RNF128: variants seen among roughly 807,000 people sequenced by gnomAD.
RNF128 encodes ring finger protein 128, also known as E3 ubiquitin-protein ligase RNF128.
A neutral mutation model predicts 26.2 loss-of-function variants in RNF128; 13 were observed. The observed-to-expected ratio is 0.50, with a 90% CI of 0.32 to 0.79. The LOEUF is 0.79. RNF128 is among the 30% of genes least tolerant of loss of function. RNF128 has a pLI of 0.03. For synonymous variants in RNF128, 149 were observed against 142.5 expected (o/e 1.05, Z -0.32); for missense variants, 315 against 349.7 (o/e 0.90, Z 0.79).
At chrX:106,762,132 T>G (rs1269150852) in intron 1 of RNF128, among the ~76,000 whole-genome samples, 2 of 110,251 alleles carry the variant, frequency 1.8e-5, no homozygotes, top group African/African-American at 3.3e-5. Flanking sequence ...AATCTTTTCT[T>G]CTAGTTATCT....
At chrX:106,694,084 A>G (rs1260486772) in exon 1 of RNF128, 8 of 1,202,960 alleles carry the variant, frequency 6.7e-6, no homozygotes, top group Non-Finnish European at 9.0e-6. Flanking sequence ...ATCTTTTTCA[A>G]TGAGTGCCTA....
intron 1 of RNF128, among the ~76,000 whole-genome samples, chrX:106,763,846 G>A (rs1930164460): frequency 9.0e-6 from 1 of 111,573 alleles, no homozygotes; most frequent in African/African-American, 3.3e-5. Flanking sequence ...TATATAGCAC[G>A]TATGAATATA....
intron 1 of RNF128, among the ~76,000 whole-genome samples, chrX:106,762,125 C>A (rs992490327): frequency 3.6e-5 from 4 of 110,154 alleles, no homozygotes; most frequent in African/African-American, 1.3e-4. Context: ...CATTCAAAAT[C>A]TTTTCTTCTA....
intron 1 of RNF128, among the ~76,000 whole-genome samples, chrX:106,736,881 T>C (rs1318671070): frequency 8.9e-6 from 1 of 112,142 alleles, no homozygotes; most frequent in Non-Finnish European, 1.9e-5. Flanking sequence ...ATATGTTGTC[T>C]CTACTTCCAA....
At chrX:106,789,143 GTATA>G (rs1930762731) in intron 4 of RNF128, among the ~76,000 whole-genome samples, 2 of 85,748 alleles carry the variant, frequency 2.3e-5, no homozygotes, top group African/African-American at 8.5e-5. Context: ...AGTATATAGT[GTATA>G]TATACTACAT....
chrX:106,729,498 G>A lies in RNF128; in HGVS notation c.484+2101G>A, dbSNP rs185923987. 1.3e-4 allele frequency among the ~76,000 whole-genome samples: 15 copies of A among 111,442 alleles called. No homozygotes were observed. The East Asian group carries it at 3.7e-3, about 27-fold the overall frequency. The stretch of plus-strand genomic sequence containing the variant: ...GGATGCAAAAAAATAATGTACAAAT[G>A]TATGATTGTGCAACTGTCGATTTGA... On this transcript the variant is annotated intron_variant, in intron 1 of 6. Coordinates refer to ENST00000255499, the MANE Select transcript of RNF128 (RefSeq NM_194463.2).
chrX:106,795,767 G>A lies in RNF128; in HGVS notation c.*54G>A. 2 of 994,384 alleles carry A rather than the reference G, an allele frequency of 2.0e-6. No individual in the cohort carries two copies. The highest frequency in any genetic ancestry group is 1.4e-6 in the Non-Finnish European group (1 of 736,774). 81.9% of individuals were successfully genotyped at this position (994,384 alleles called of 1,213,427 possible). A position where few individuals can be genotyped will look rare whatever the true frequency, so the allele number is the denominator to read the frequency against. On this transcript the variant is annotated 3_prime_UTR_variant, in exon 7 of 7. Coordinates refer to ENST00000255499, the MANE Select transcript of RNF128 (RefSeq NM_194463.2). Reference sequence around the variant, plus strand: ...TTAGTAATAACAGAACTGCCAATCAGGGCCTAGTTTCTATTAATAAATTGG... The same window carrying A: ...TTAGTAATAACAGAACTGCCAATCAAGGCCTAGTTTCTATTAATAAATTGG...
At position 106,703,405 on chromosome X, in the gene RNF128, A is replaced by G. The variant is rs745412738; in HGVS notation, c.406+8997A>G. Among the ~76,000 whole-genome samples, 53 of 111,683 alleles carry G rather than the reference A, an allele frequency of 4.7e-4. 1 individual carries two copies. The highest frequency in any genetic ancestry group is 4.3e-4 in the Non-Finnish European group (23 of 53,121). ...TGAGGTACATAGTGTCAGTATCTCC[A>G]TTTTATATATAAGAAAACTGAGACA... On this transcript the variant is annotated intron_variant, in intron 1 of 6. Transcript: ENST00000324342.
At chrX:106,716,889 G>A (rs1929225080) in intron 1 of RNF128, among the ~76,000 whole-genome samples, 1 of 111,250 alleles carries the variant, frequency 9.0e-6, no homozygotes, top group African/African-American at 3.3e-5. Flanking sequence ...ATTGTTGAAG[G>A]CCTAGAATTC....
intron 1 of RNF128, among the ~76,000 whole-genome samples, chrX:106,713,913 C>T (rs1048078568): frequency 9.0e-6 from 1 of 111,542 alleles, no homozygotes; most frequent in Non-Finnish European, 1.9e-5. Context: ...CGGTGGCTCA[C>T]GCCTGTAATC....
chrX:106,783,536 A>C lies in RNF128; in HGVS notation c.733-1529A>C, dbSNP rs1374751918. 5.4e-5 allele frequency among the ~76,000 whole-genome samples: 6 copies of C among 111,410 alleles called. No homozygotes were observed. In the East Asian group the frequency reaches 1.7e-3, roughly 32 times the overall value. ...GGAGGGAAGCTGCTTACATTCTCCC[A>C]AAGGTCTGGGGGCCTACTTTTTGCC... On this transcript the variant is annotated intron_variant, in intron 2 of 6. Coordinates refer to ENST00000255499, the MANE Select transcript of RNF128 (RefSeq NM_194463.2).
In RNF128 at chrX:106,739,262, C is replaced by T. The variant is rs771563495; in HGVS notation, c.484+11865C>T. Among the ~76,000 whole-genome samples, 8 of 110,365 alleles carry T rather than the reference C, an allele frequency of 7.2e-5. No individual in the cohort carries two copies. The South Asian group carries it at 2.4e-3, about 33-fold the overall frequency. On this transcript the variant is annotated intron_variant, in intron 1 of 6. Coordinates refer to ENST00000255499, the MANE Select transcript of RNF128 (RefSeq NM_194463.2). ...TCAACCTCTACATCCCGGGTTCAAG[C>T]GATTCTCCTGCCTCAGCCTCCTGAG...
intron 2 of RNF128, among the ~76,000 whole-genome samples, chrX:106,780,527 G>C (rs890441070): frequency 3.6e-5 from 4 of 111,953 alleles, no homozygotes; most frequent in African/African-American, 1.3e-4. Context: ...CTTAGACCAG[G>C]TATCTCTTAG....
intron 1 of RNF128, among the ~76,000 whole-genome samples, chrX:106,696,689 C>T (rs1035075029): frequency 9.0e-6 from 1 of 111,234 alleles, no homozygotes; most frequent in Non-Finnish European, 1.9e-5. Context: ...CTCCCCCTAC[C>T]TCTTCATTCC....
chrX:106,762,519 G>A (rs1194354569), intron 1 of RNF128, among the ~76,000 whole-genome samples: 1 of 110,594 alleles, frequency 9.0e-6, no homozygotes, highest in East Asian at 2.8e-4. Flanking sequence ...TTCCATGTTG[G>A]TCAAGCTGGT....
At chrX:106,788,848 GTATTATA>G (rs1168749817) in intron 4 of RNF128, among the ~76,000 whole-genome samples, 12 of 64,198 alleles carry the variant, frequency 1.9e-4, no homozygotes, top group Non-Finnish European at 2.6e-4. Context: ...CATATAATAT[GTATTATA>G]TATTATATAT....
chrX:106,786,909 C>T (rs754536259), intron 3 of RNF128, among the ~76,000 whole-genome samples: 13 of 111,640 alleles, frequency 1.2e-4, no homozygotes, highest in Admixed American at 7.6e-4. Flanking sequence ...AATACAACTA[C>T]GCATTCATTA....
At chrX:106,775,947 C>T (rs1930457825) in intron 2 of RNF128, among the ~76,000 whole-genome samples, 1 of 111,859 alleles carries the variant, frequency 8.9e-6, no homozygotes, top group Non-Finnish European at 1.9e-5. Flanking sequence ...CTCAGATGAG[C>T]CCCCAGACAG....
At chrX:106,720,230 C>G (rs1364824210) in intron 1 of RNF128, among the ~76,000 whole-genome samples, 1 of 110,576 alleles carries the variant, frequency 9.0e-6, no homozygotes, top group Non-Finnish European at 1.9e-5. Context: ...CCCTCTCCTT[C>G]TCAGCAATCT....
Sources: allele counts gnomAD v4.1 joint callset (sites outside exome capture counted in the v4.1 genomes callset), GRCh38; gene constraint gnomAD v4.1.1; transcripts MANE v1.5; gene names NCBI Gene and HGNC (gene_info 2026-07-23, HGNC 2026-07-21).